The following MAP2 variants were observed in gnomAD, a reference collection of about 807,000 sequenced individuals.
The protein encoded by MAP2 is microtubule-associated protein 2.
In MAP2, 14 loss-of-function variants were observed where a neutral mutation model predicts 137.6. That is an observed-to-expected ratio of 0.10 (90% CI 0.07 to 0.16). The LOEUF (loss-of-function observed/expected upper bound fraction) is 0.16. Ranked by LOEUF, MAP2 falls within the 10% of genes least tolerant of loss-of-function variation. MAP2 has a pLI of 1.00. For synonymous variants in MAP2, 786 were observed against 782.3 expected (o/e 1.00, Z -0.08); for missense variants, 2,088 against 2,191.5 (o/e 0.95, Z 0.94).
intron 1 of MAP2, among the ~76,000 whole-genome samples, chr2:209,431,752 T>C (rs1013932544): frequency 6.6e-6 from 1 of 152,184 alleles, no homozygotes; most frequent in African/African-American, 2.4e-5. Context: ...TTCTGTTCTC[T>C]GAGCTGAGGG....
At chr2:209,707,180 C>T (rs886965915) in intron 12 of MAP2, among the ~76,000 whole-genome samples, 11 of 152,150 alleles carry the variant, frequency 7.2e-5, no homozygotes, top group Non-Finnish European at 1.5e-4. Context: ...CATAAATCCA[C>T]TTCTTCAAAC....
chr2:209,476,441 C>T (rs1024541001), intron 1 of MAP2, among the ~76,000 whole-genome samples: 1 of 148,190 alleles, frequency 6.7e-6, no homozygotes, highest in Non-Finnish European at 1.5e-5. Flanking sequence ...ATAATTCAGG[C>T]TGTAATTTAG....
chr2:209,491,286 C>A (rs2059076954), intron 1 of MAP2, among the ~76,000 whole-genome samples: 1 of 152,192 alleles, frequency 6.6e-6, no homozygotes, highest in Non-Finnish European at 1.5e-5. Context: ...CTCTGAGACA[C>A]AGCTAAAGCA....
intron 1 of MAP2, among the ~76,000 whole-genome samples, chr2:209,442,093 G>C (rs2149400429): frequency 6.6e-6 from 1 of 151,448 alleles, no homozygotes; most frequent in East Asian, 1.9e-4. Flanking sequence ...TTTTTATTAT[G>C]TTTTTCTACA....
At chr2:209,519,693 A>G (rs1404323452) in intron 2 of MAP2, among the ~76,000 whole-genome samples, 4 of 152,118 alleles carry the variant, frequency 2.6e-5, no homozygotes, top group Non-Finnish European at 5.9e-5. Context: ...AGAGATTTGA[A>G]TAAGAGGTAT....
At chr2:209,551,574 C>T (rs1288741673) in intron 2 of MAP2, among the ~76,000 whole-genome samples, 2 of 152,154 alleles carry the variant, frequency 1.3e-5, no homozygotes, top group Non-Finnish European at 2.9e-5. Context: ...TTAACGTAGG[C>T]AAGCTGCATA....
At chr2:209,437,361 A>T (rs540474296) in intron 1 of MAP2, among the ~76,000 whole-genome samples, 3 of 151,670 alleles carry the variant, frequency 2.0e-5, no homozygotes, top group Non-Finnish European at 4.4e-5. Context: ...TAGAATTTAG[A>T]TATGTAAGCA....
intron 1 of MAP2, among the ~76,000 whole-genome samples, chr2:209,439,636 G>A (rs955204784): frequency 6.6e-6 from 1 of 151,350 alleles, no homozygotes; most frequent in African/African-American, 2.4e-5. Context: ...CAAAATATAT[G>A]CCACAATTGT....
Position 209,694,794 on chromosome 2 carries a change from A to G in MAP2, c.2624A>G (p.Tyr875Cys). Reference sequence around the variant, plus strand: ...CTGGGCTACTGTGTGTTCAATAAGTACACAGTCCCATTGCCATCACCTGTT... The same window carrying G: ...CTGGGCTACTGTGTGTTCAATAAGTGCACAGTCCCATTGCCATCACCTGTT... ...EDLGYCVFNK[Y>C]TVPLPSPVQD... Residue 875 changes from tyrosine to cysteine, a missense_variant, in exon 8 of 16, where the codon TAC (tyrosine) becomes TGC (cysteine). Physicochemically the swap from Tyr to Cys is radical, Grantham distance 194. Coordinates refer to ENST00000682079, the MANE Select transcript of MAP2 (RefSeq NM_001375505.1). The G allele has an allele frequency of 6.2e-7, 1 of 1,614,172 alleles. No individual in the cohort carries two copies. Among genetic ancestry groups the G allele is most frequent in the Admixed American group, 1.7e-5 (1 of 60,012 alleles).
At chr2:209,567,925 C>A (rs559990980) in intron 2 of MAP2, among the ~76,000 whole-genome samples, 9 of 152,126 alleles carry the variant, frequency 5.9e-5, no homozygotes, top group South Asian at 4.1e-4. Flanking sequence ...GCCCACTCTT[C>A]ATCTAAGTTC....
intron 1 of MAP2, among the ~76,000 whole-genome samples, chr2:209,429,145 G>A (rs1310187818): frequency 6.6e-6 from 1 of 151,832 alleles, no homozygotes; most frequent in African/African-American, 2.4e-5. Flanking sequence ...AGTAGAGACA[G>A]GGTTTCACCT....
At chr2:209,714,396 G>T (rs545633252) in intron 13 of MAP2, among the ~76,000 whole-genome samples, 1 of 152,248 alleles carries the variant, frequency 6.6e-6, no homozygotes, top group African/African-American at 2.4e-5. Flanking sequence ...ATGTGCTTTT[G>T]CTCCATTAAT....
intron 4 of MAP2, among the ~76,000 whole-genome samples, chr2:209,651,847 TAAAA>T (rs774156034): frequency 5.5e-4 from 83 of 152,148 alleles, no homozygotes; most frequent in Admixed American, 2.4e-3. Flanking sequence ...AAAATTCAGT[TAAAA>T]AACCCCCAGA....
At chr2:209,660,670 C>T (rs564701619) in intron 5 of MAP2, among the ~76,000 whole-genome samples, 28 of 147,992 alleles carry the variant, frequency 1.9e-4, no homozygotes, top group Admixed American at 1.4e-3. Flanking sequence ...GCTGAGATTA[C>T]AGGCGTGAGC....
intron 3 of MAP2, among the ~76,000 whole-genome samples, chr2:209,590,322 T>G (rs2078911586): frequency 6.6e-6 from 1 of 152,138 alleles, no homozygotes; most frequent in Non-Finnish European, 1.5e-5. Context: ...CACATGCAGC[T>G]ATTTAAATTC....
At chr2:209,554,247 G>T (rs1420416061) in intron 2 of MAP2, among the ~76,000 whole-genome samples, 1 of 152,100 alleles carries the variant, frequency 6.6e-6, no homozygotes, top group Non-Finnish European at 1.5e-5. Flanking sequence ...TCCTGGCTTG[G>T]CTCAGCCTGT....
chr2:209,444,817 C>T (rs892648468), intron 1 of MAP2, among the ~76,000 whole-genome samples: 1 of 151,198 alleles, frequency 6.6e-6, no homozygotes, highest in African/African-American at 2.4e-5. Context: ...AAGTTCTTAT[C>T]GGGAGCAATT....
chr2:209,710,057 C>A lies in MAP2; in HGVS notation c.4876C>A (p.Pro1626Thr). ...TGGAACCCCTAGCTATCCCAGGACCCCTCACACACCAGGAACCCCCAAGTC... is the reference window on the plus strand; with the variant it reads ...TGGAACCCCTAGCTATCCCAGGACCACTCACACACCAGGAACCCCCAAGTC... Reference protein sequence around the residue: ...TPGTPSYPRTPHTPGTPKSAI... With the variant: ...TPGTPSYPRTTHTPGTPKSAI... The change falls in exon 13 of 16, where the codon CCT becomes ACT. Residue 1626 changes from proline (P) to threonine (T), a missense_variant. By Grantham distance (38) the Pro-to-Thr change is conservative. Coordinates refer to ENST00000682079, the MANE Select transcript of MAP2 (RefSeq NM_001375505.1). The A allele has an allele frequency of 6.2e-7, 1 of 1,614,008 alleles. No individual in the cohort carries two copies.
intron 3 of MAP2, among the ~76,000 whole-genome samples, chr2:209,592,654 A>C (rs1166153177): frequency 6.6e-6 from 1 of 152,216 alleles, no homozygotes; most frequent in Non-Finnish European, 1.5e-5. Flanking sequence ...ATCTGAAATA[A>C]GTCAGGTTCT....
Sources: allele counts gnomAD v4.1 joint callset (sites outside exome capture counted in the v4.1 genomes callset), GRCh38; gene constraint gnomAD v4.1.1; transcripts MANE v1.5; gene names NCBI Gene and HGNC (gene_info 2026-07-23, HGNC 2026-07-21).